Variants in PHLDB2 observed in about 807,000 individuals in gnomAD.
PHLDB2 encodes the protein pleckstrin homology like domain family B member 2.
Under a neutral mutation model 123.6 loss-of-function variants are expected in PHLDB2, and 71 were observed. The ratio of observed to expected loss-of-function variants is 0.57; its 90% confidence interval spans 0.47 to 0.70. PHLDB2 has a LOEUF of 0.70. Among genes scored for constraint, PHLDB2 ranks in the 30% least tolerant of loss-of-function variants. PHLDB2 has a pLI of 0.00. For missense variants in PHLDB2, 1,446 were observed against 1,519.5 expected (o/e 0.95, Z 0.80); for synonymous variants, 547 against 541.6 (o/e 1.01, Z -0.14).
chr3:111,756,580 G>C (rs1432852670), intron 1 of PHLDB2, among the ~76,000 whole-genome samples: 2 of 152,166 alleles, frequency 1.3e-5, no homozygotes, highest in Non-Finnish European at 2.9e-5. Context: ...ACAGCACACT[G>C]ATGGGTCTTG....
chr3:111,934,616 A>T (rs751881537), intron 6 of PHLDB2, among the ~76,000 whole-genome samples: 1 of 152,164 alleles, frequency 6.6e-6, no homozygotes, highest in South Asian at 2.1e-4. Flanking sequence ...TTTAAACATG[A>T]TGTTAGAGTC....
intron 1 of PHLDB2, chr3:111,779,961 A>C: frequency 2.8e-6 from 2 of 722,620 alleles, no homozygotes; most frequent in Non-Finnish European, 1.7e-6. Flanking sequence ...TTTTAGGAAG[A>C]GGAGAGTCGA....
At position 111,801,095 on chromosome 3, in the gene PHLDB2, T is replaced by C. The variant is rs527299996; in HGVS notation, c.-48-44726T>C. 1.1e-4 allele frequency among the ~76,000 whole-genome samples: 17 copies of C among 152,322 alleles called. No homozygotes were observed. The East Asian group carries it at 1.9e-3, about 17-fold the overall frequency. ...ACATGAGCTGTGGGGTCAAATTCAA[T>C]GGCCAATACAGAGTAGACACTTAAT... On this transcript the variant is annotated intron_variant, in intron 1 of 17. Transcript: ENST00000393923.
intron 5 of PHLDB2, among the ~76,000 whole-genome samples, chr3:111,923,729 G>A (rs151089840): frequency 0.017 from 2,596 of 152,208 alleles, 28 homozygotes; most frequent in Non-Finnish European, 0.027. Flanking sequence ...AATTGATCTT[G>A]ACACGTCTTT....
intron 1 of PHLDB2, among the ~76,000 whole-genome samples, chr3:111,765,200 T>C (rs2060059270): frequency 6.6e-6 from 1 of 152,200 alleles, no homozygotes; most frequent in Non-Finnish European, 1.5e-5. Flanking sequence ...TTGAAGCCCC[T>C]TAGTCTTCAC....
At chr3:111,790,191 C>T (rs774779694) in intron 1 of PHLDB2, among the ~76,000 whole-genome samples, 6 of 152,118 alleles carry the variant, frequency 3.9e-5, no homozygotes, top group Admixed American at 2.0e-4. Context: ...CCCTGAAAAT[C>T]TCATAGCATA....
chr3:111,939,771 G>C, intron 7 of PHLDB2, 141 bp downstream of exon 7: 1 of 726,380 alleles, frequency 1.4e-6, no homozygotes, highest in South Asian at 2.1e-5. Flanking sequence ...TTCCAAATTA[G>C]ACAAATTGAG....
At position 111,946,029 on chromosome 3, in the gene PHLDB2, T is replaced by TTA. The variant is rs1188945476; in HGVS notation, c.2487+686_2487+687dup. On this transcript the variant is annotated intron_variant, in intron 9 of 17. Coordinates refer to ENST00000431670, the MANE Select transcript of PHLDB2 (RefSeq NM_001134438.2). ...AATTATAACTGAGAAAAAAAATAGT[T>TTA]TATATATATATATATTTTTTGAGAC... Among the ~76,000 whole-genome samples the TTA allele has an allele frequency of 4.8e-3, 725 of 150,548 alleles. 6 individuals carry two copies. Among genetic ancestry groups the TTA allele is most frequent in the African/African-American group, 0.016 (651 of 40,886 alleles).
intron 2 of PHLDB2, among the ~76,000 whole-genome samples, chr3:111,848,504 G>C (rs1008452240): frequency 6.6e-6 from 1 of 152,144 alleles, no homozygotes; most frequent in African/African-American, 2.4e-5. Flanking sequence ...GTGCTTTGGT[G>C]CTTTGACCCC....
chr3:111,891,991 C>A (rs757839290), intron 2 of PHLDB2, among the ~76,000 whole-genome samples: 30 of 152,146 alleles, frequency 2.0e-4, no homozygotes, highest in Non-Finnish European at 2.9e-4. Flanking sequence ...TTGTAGCCAT[C>A]CAATATTTTC....
At chr3:111,919,702 A>G (rs2068379629) in intron 4 of PHLDB2, among the ~76,000 whole-genome samples, 1 of 152,254 alleles carries the variant, frequency 6.6e-6, no homozygotes, top group Non-Finnish European at 1.5e-5. Flanking sequence ...GCATAACCAC[A>G]ATAGAAGACA....
chr3:111,773,251 C>G (rs553428937), intron 1 of PHLDB2, among the ~76,000 whole-genome samples: 1 of 152,116 alleles, frequency 6.6e-6, no homozygotes, highest in Non-Finnish European at 1.5e-5. Context: ...TGCTCCAAAC[C>G]TGGAGCAGAA....
intron 1 of PHLDB2, among the ~76,000 whole-genome samples, chr3:111,882,093 A>G (rs2065959791): frequency 6.6e-6 from 1 of 152,216 alleles, no homozygotes; most frequent in Non-Finnish European, 1.5e-5. Flanking sequence ...ATGTACTTCA[A>G]AATATGATTT....
At chr3:111,781,536 C>A (rs1576581065) in intron 1 of PHLDB2, among the ~76,000 whole-genome samples, 1 of 152,120 alleles carries the variant, frequency 6.6e-6, no homozygotes, top group African/African-American at 2.4e-5. Context: ...ACAATGACTT[C>A]ATCACAATAG....
At chr3:111,780,766 G>T (rs909707623) in intron 1 of PHLDB2, among the ~76,000 whole-genome samples, 9 of 151,982 alleles carry the variant, frequency 5.9e-5, no homozygotes, top group African/African-American at 1.9e-4. Context: ...TGATGTCCCC[G>T]TGGATAGACC....
chr3:111,952,705 C>T lies in PHLDB2; in HGVS notation c.2765C>T (p.Thr922Ile). ...AGTGCTACTATGGGGAGAAGCATCA[C>T]CCCAAAGGTAGGACCTGGGAGAAAC... Reference protein sequence around the residue: ...FSSATMGRSITPKAHLPLGQS... With the variant: ...FSSATMGRSIIPKAHLPLGQS... The change falls in exon 11 of 18, where the codon ACC becomes ATC. Residue 922 changes from threonine to isoleucine, a missense_variant. Physicochemically the swap from Thr to Ile is moderately conservative, Grantham distance 89 (BLOSUM62 -1). This residue lies in a region of PHLDB2 where 594 missense variants were observed against 646.0 expected (regional missense o/e 0.92). Transcript: ENST00000431670. 1 of 1,611,796 alleles carries T rather than the reference C, an allele frequency of 6.2e-7. No individual in the cohort carries two copies. The highest frequency in any genetic ancestry group is 8.5e-7 in the Non-Finnish European group (1 of 1,179,376).
chr3:111,756,569 T>A (rs1310304980), intron 1 of PHLDB2, among the ~76,000 whole-genome samples: 3 of 152,350 alleles, frequency 2.0e-5, no homozygotes, highest in Admixed American at 6.5e-5. Context: ...ATTTACTGCA[T>A]ACAGCACACT....
rs1462939123 is a variant in PHLDB2 at position 111,755,932 on chromosome 3, G to A, written c.-49+23229G>A. Among the ~76,000 whole-genome samples, 9 of 151,196 alleles carry A rather than the reference G, an allele frequency of 6.0e-5. No individual in the cohort carries two copies. In the East Asian group the frequency reaches 1.2e-3, roughly 19 times the overall value. ...GTACCCACTAGTCATTCAGGAGCAG[G>A]TTGTTCAGTTTCCATGTAGTTGAGT... On this transcript the variant is annotated intron_variant, in intron 1 of 17. Coordinates refer to the PHLDB2 transcript ENST00000393923.
Position 111,967,807 on chromosome 3 carries a change from G to A in PHLDB2, c.3298G>A (p.Glu1100Lys). The A allele has an allele frequency of 6.2e-7, 1 of 1,610,522 alleles. No individual in the cohort carries two copies. Among genetic ancestry groups the A allele is most frequent in the Non-Finnish European group, 8.5e-7 (1 of 1,178,922 alleles). ...AATAGAAAAGGAAGTAAAAATAAGGGAGAGACAAAGGGCACAGGTTGGTCG... is the reference window on the plus strand; with the variant it reads ...AATAGAAAAGGAAGTAAAAATAAGGAAGAGACAAAGGGCACAGGTTGGTCG... Reference protein sequence around the residue: ...KLIEKEVKIRERQRAQARPLT... With the variant: ...KLIEKEVKIRKRQRAQARPLT... Residue 1100 changes from glutamate to lysine, a missense_variant, in exon 15 of 18, where the codon GAG (glutamate) becomes AAG (lysine). By Grantham distance (56) the Glu-to-Lys change is moderately conservative. Around this residue, in one of 3 missense-constraint regions of PHLDB2, gnomAD observed 594 missense variants for 646.0 expected, o/e 0.92. Transcript: ENST00000431670.
Sources: allele counts gnomAD v4.1 joint callset (sites outside exome capture counted in the v4.1 genomes callset), GRCh38; gene constraint gnomAD v4.1.1; regional missense constraint gnomAD v4.1.1; transcripts MANE v1.5; gene names NCBI Gene and HGNC (gene_info 2026-07-23, HGNC 2026-07-21).